PLPPR4: variants seen among roughly 807,000 people sequenced by gnomAD.
PLPPR4 encodes the protein phospholipid phosphatase-related protein type 4.
A neutral mutation model predicts 56.6 loss-of-function variants in PLPPR4; 24 were observed. The ratio of observed to expected loss-of-function variants is 0.42; its 90% CI spans 0.31 to 0.60. The LOEUF (loss-of-function observed/expected upper bound fraction) is 0.60. Among genes scored for constraint, PLPPR4 ranks in the 20% least tolerant of loss-of-function variants. The pLI, the probability that PLPPR4 is intolerant of heterozygous loss-of-function variation, is 0.13. For synonymous variants in PLPPR4, 326 were observed against 328.1 expected (o/e 0.99, Z 0.07); for missense variants, 654 against 885.8 (o/e 0.74, Z 3.32).
chr1:99,263,464 G>A (rs1658811579), upstream of PLPPR4, among the ~76,000 whole-genome samples: 1 of 152,148 alleles, frequency 6.6e-6, no homozygotes, highest in Non-Finnish European at 1.5e-5. Context: ...AAGGGAAATG[G>A]ATAAATGAGT....
At chr1:99,301,677 T>C in intron 5 of PLPPR4, 47 bp from the exon 6 acceptor site, 1 of 1,341,108 alleles carries the variant, frequency 7.5e-7, no homozygotes. Flanking sequence ...AATTTACTAA[T>C]AAAATGGCCT....
intron 1 of PLPPR4, among the ~76,000 whole-genome samples, chr1:99,275,034 G>T (rs952217811): frequency 6.6e-6 from 1 of 151,978 alleles, no homozygotes; most frequent in Non-Finnish European, 1.5e-5. Flanking sequence ...AAGGCAGTTG[G>T]ATACACCCTG....
At chr1:99,269,656 C>T (rs561523869) in intron 1 of PLPPR4, among the ~76,000 whole-genome samples, 11 of 152,246 alleles carry the variant, frequency 7.2e-5, no homozygotes, top group Admixed American at 3.3e-4. Context: ...GAAAGGGATT[C>T]TTTTTACTTA....
chr1:99,293,322 T>C (rs1407536636), intron 2 of PLPPR4, among the ~76,000 whole-genome samples: 3 of 152,228 alleles, frequency 2.0e-5, no homozygotes, highest in African/African-American at 4.8e-5. Flanking sequence ...TACATGGAAG[T>C]GGAAAAATGT....
intron 1 of PLPPR4, among the ~76,000 whole-genome samples, chr1:99,269,663 C>T (rs1328262494): frequency 1.3e-5 from 2 of 152,204 alleles, no homozygotes; most frequent in Non-Finnish European, 2.9e-5. Flanking sequence ...ATTCTTTTTA[C>T]TTAAACATTC....
In PLPPR4 at chr1:99,296,950, G is replaced by A. The variant is rs149135841; in HGVS notation, c.394+83G>A. On this transcript the variant is annotated intron_variant, in intron 3 of 6. Transcript: ENST00000370185. ...TATTTAATTATAGATATTAAGTCTC[G>A]TACGCTATAATTTAGATGTATAATT... The A allele has an allele frequency of 6.8e-5, 85 of 1,248,190 alleles. No individual in the cohort carries two copies. The South Asian group carries it at 1.1e-3, about 16-fold the overall frequency. 77.3% of individuals were successfully genotyped at this position (1,248,190 alleles called of 1,614,324 possible).
intron 6 of PLPPR4, 127 bp from the exon 7 acceptor site, chr1:99,305,558 A>G: frequency 2.3e-6 from 2 of 855,318 alleles, no homozygotes; most frequent in Non-Finnish European, 3.7e-6. Context: ...TTCATGTTTC[A>G]TTATTTGTAC....
At chr1:99,270,392 T>C (rs1382262703) in intron 1 of PLPPR4, among the ~76,000 whole-genome samples, 1 of 152,232 alleles carries the variant, frequency 6.6e-6, no homozygotes, top group Non-Finnish European at 1.5e-5. Flanking sequence ...ATTTTGTTAA[T>C]GGAGCTTAAT....
chr1:99,304,417 C>T (rs1659965747), intron 6 of PLPPR4, among the ~76,000 whole-genome samples: 1 of 152,166 alleles, frequency 6.6e-6, no homozygotes, highest in Non-Finnish European at 1.5e-5. Context: ...CCTGTCAATG[C>T]ATTTCTTAGA....
chr1:99,286,085 T>C (rs1659456633), intron 1 of PLPPR4, among the ~76,000 whole-genome samples: 1 of 152,200 alleles, frequency 6.6e-6, no homozygotes, highest in South Asian at 2.1e-4. Flanking sequence ...AAGTACACTG[T>C]GCCTAGTTTA....
intron 4 of PLPPR4, among the ~76,000 whole-genome samples, chr1:99,299,738 T>G (rs967390779): frequency 1.3e-5 from 2 of 152,006 alleles, no homozygotes; most frequent in Non-Finnish European, 2.9e-5. Flanking sequence ...CCCCAGACTC[T>G]GTGACATAAT....
rs1660050768 is a variant in PLPPR4, at chr1:99,307,105, T to C, written c.*95T>C. ...AGCGAATTGGGAAGTCTCACCAAGCTAGATTGTCTACCATCAGCCCAGAAC... is the reference window on the plus strand; with the variant it reads ...AGCGAATTGGGAAGTCTCACCAAGCCAGATTGTCTACCATCAGCCCAGAAC... On this transcript the variant is annotated 3_prime_UTR_variant, in exon 7 of 7. Transcript: ENST00000370185. 5.6e-6 allele frequency: 8 copies of C among 1,429,080 alleles called. No individual in the cohort carries two copies. Among genetic ancestry groups the C allele is most frequent in the Non-Finnish European group, 6.6e-6 (7 of 1,065,058 alleles). The allele number at this position is 1,429,080 out of a possible 1,614,324, so 88.5% of individuals were successfully genotyped here. A position where few individuals can be genotyped will look rare whatever the true frequency, so the allele number is the denominator to read the frequency against.
At chr1:99,283,679 G>T (rs901571886) in intron 1 of PLPPR4, among the ~76,000 whole-genome samples, 1 of 152,142 alleles carries the variant, frequency 6.6e-6, no homozygotes, top group Non-Finnish European at 1.5e-5. Flanking sequence ...GGCTGGGCGC[G>T]GTGGCTCACG....
At chr1:99,279,174 C>A (rs973736712) in intron 1 of PLPPR4, among the ~76,000 whole-genome samples, 1 of 152,110 alleles carries the variant, frequency 6.6e-6, no homozygotes, top group African/African-American at 2.4e-5. Context: ...TCTCTGCTCT[C>A]AAGGATCTTG....
chr1:99,296,382 A>G (rs1453974909), intron 2 of PLPPR4, among the ~76,000 whole-genome samples: 1 of 152,180 alleles, frequency 6.6e-6, no homozygotes, highest in Non-Finnish European at 1.5e-5. Flanking sequence ...TTGCAGAAAT[A>G]TTTATGGGAC....
rs746554789 is a variant in PLPPR4, at chr1:99,306,041, C to T, written c.1179C>T (p.Ser393=). The part of the protein sequence containing the change: ...RNASIHASMD[S]ARSKQLLTQW... ...CGAGCATTCATGCCTCTATGGATTC[C>T]GCTCGATCAAAGCAGCTCCTCACCC... Residue 393 remains serine (S), a synonymous_variant, in exon 7 of 7, where the codon TCC becomes TCT. Transcript: ENST00000370185. This position sits in a 1 kb window ranked among gnomAD's most constrained non-coding sequence, Gnocchi z 4.0. The T allele has an allele frequency of 1.4e-5, 23 of 1,613,998 alleles. No individual in the cohort carries two copies. The highest frequency in any genetic ancestry group is 1.9e-5 in the Non-Finnish European group (22 of 1,180,028).
At chr1:99,279,426 G>A (rs1201381689) in intron 1 of PLPPR4, among the ~76,000 whole-genome samples, 1 of 152,114 alleles carries the variant, frequency 6.6e-6, no homozygotes, top group Non-Finnish European at 1.5e-5. Context: ...ATAATTAAAT[G>A]CTCTTAAGAT....
Position 99,306,187 on chromosome 1 carries a change from T to C in PLPPR4, c.1325T>C (p.Val442Ala). Residue 442 changes from valine (V) to alanine (A), a missense_variant, in exon 7 of 7, where the codon GTG becomes GCG. Coordinates refer to ENST00000370185, the MANE Select transcript of PLPPR4 (RefSeq NM_014839.5). This position sits in a 1 kb window ranked among gnomAD's most constrained non-coding sequence, Gnocchi z 4.0. ...RSSSEPSRVG[V>A]NGDHHGPGNQ... Reference sequence around the variant, plus strand: ...AGCTCAGAGCCATCGAGGGTAGGGGTGAATGGAGACCACCATGGTCCTGGC... The same window carrying C: ...AGCTCAGAGCCATCGAGGGTAGGGGCGAATGGAGACCACCATGGTCCTGGC... The C allele has an allele frequency of 6.2e-7, 1 of 1,613,626 alleles. No homozygotes were observed.
intron 1 of PLPPR4, among the ~76,000 whole-genome samples, chr1:99,273,424 G>A (rs1272788298): frequency 6.6e-6 from 1 of 152,048 alleles, no homozygotes; most frequent in East Asian, 1.9e-4. Flanking sequence ...GAGAGCAATG[G>A]AAGTAGATGT....
Sources: gnomAD v4.1 joint callset for allele counts (sites outside exome capture counted in the v4.1 genomes callset) on GRCh38, gnomAD v4.1.1 for gene constraint, Gnocchi (gnomAD v3.1) non-coding constraint, MANE v1.5 for transcripts, NCBI Gene and HGNC (gene_info 2026-07-23, HGNC 2026-07-21) for gene names.